The following ANOS1 variants were observed in gnomAD, a reference collection of about 807,000 sequenced individuals.
ANOS1 encodes anosmin 1.
A neutral mutation model predicts 59.0 loss-of-function variants in ANOS1; 6 were observed. That is an observed-to-expected ratio of 0.10 (90% CI 0.06 to 0.20). The LOEUF is 0.20. Among genes scored for constraint, ANOS1 ranks in the 10% least tolerant of loss-of-function variants. ANOS1 has a pLI of 1.00. For synonymous variants in ANOS1, 217 were observed against 223.4 expected, an observed-to-expected ratio of 0.97 and a Z score of 0.25; for missense variants, 433 against 542.3, an observed-to-expected ratio of 0.80 and a Z score of 2.00.
rs181242158 is a variant in ANOS1, at chrX:8,591,451, C to T, written c.542-3473G>A. Among the ~76,000 whole-genome samples, 3 of 111,200 alleles carry T rather than the reference C, an allele frequency of 2.7e-5. No homozygotes were observed. In the East Asian group the frequency reaches 8.5e-4, roughly 31 times the overall value. On this transcript the variant is annotated intron_variant, in intron 4 of 13. Transcript: ENST00000262648. Reference sequence around the variant, plus strand: ...AAATATAGCTACAGTAAATAGCCTCCGAAGTGACCTGAACTCACCAGAAGC... The same window carrying T: ...AAATATAGCTACAGTAAATAGCCTCTGAAGTGACCTGAACTCACCAGAAGC...
intron 2 of ANOS1, among the ~76,000 whole-genome samples, chrX:8,632,867 GT>G (rs1233891433): frequency 9.0e-6 from 1 of 110,520 alleles, no homozygotes; most frequent in Non-Finnish European, 1.9e-5. Context: ...GACCATTTCT[GT>G]TTTCTGAATT....
intron 2 of ANOS1, among the ~76,000 whole-genome samples, chrX:8,671,219 C>T (rs1364619680): frequency 9.0e-6 from 1 of 111,678 alleles, no homozygotes; most frequent in Non-Finnish European, 1.9e-5. Context: ...CATGATACAG[C>T]AGCTTCTTAA....
At chrX:8,576,465 TATACACACACACACACACACACAC>T (rs1159790359) in intron 6 of ANOS1, among the ~76,000 whole-genome samples, 9 of 95,418 alleles carry the variant, frequency 9.4e-5, no homozygotes, top group Admixed American at 8.6e-4. Context: ...TATATATATA[TATACACACACACACACACACACAC>T]ATACACACAC....
At chrX:8,671,349 A>G (rs973453375) in intron 2 of ANOS1, among the ~76,000 whole-genome samples, 5 of 111,108 alleles carry the variant, frequency 4.5e-5, no homozygotes, top group Admixed American at 1.9e-4. Context: ...GCAATAATTC[A>G]TATCTCCTAT....
intron 9 of ANOS1, among the ~76,000 whole-genome samples, chrX:8,549,209 T>A (rs1181227802): frequency 8.9e-6 from 1 of 112,547 alleles, no homozygotes; most frequent in Non-Finnish European, 1.9e-5. Context: ...CTTTAAAGAT[T>A]TCAGTATTTG....
At chrX:8,709,995 A>G (rs905642820) in intron 1 of ANOS1, among the ~76,000 whole-genome samples, 6 of 110,949 alleles carry the variant, frequency 5.4e-5, no homozygotes, top group African/African-American at 2.0e-4. Flanking sequence ...CAGCAGTGCA[A>G]TCTCCACTCA....
chrX:8,672,672 C>A (rs1033794286), intron 2 of ANOS1, among the ~76,000 whole-genome samples: 2 of 111,617 alleles, frequency 1.8e-5, no homozygotes, highest in African/African-American at 3.3e-5. Context: ...GCACTCTGCT[C>A]CTCACTGACC....
At chrX:8,631,614 C>T (rs7883222) in intron 2 of ANOS1, among the ~76,000 whole-genome samples, 11,065 of 110,586 alleles carry the variant, frequency 0.1, 787 homozygotes, top group South Asian at 0.23. Flanking sequence ...GACTGGAACA[C>T]GTTAATAGGC....
At chrX:8,605,976 G>C (rs923643319) in intron 3 of ANOS1, among the ~76,000 whole-genome samples, 4 of 98,703 alleles carry the variant, frequency 4.1e-5, no homozygotes, top group African/African-American at 1.1e-4. Flanking sequence ...TGTGCCTTGT[G>C]GGGGGGTTGT....
At chrX:8,645,923 C>T (rs1178244167) in intron 2 of ANOS1, among the ~76,000 whole-genome samples, 4 of 111,743 alleles carry the variant, frequency 3.6e-5, no homozygotes, top group Middle Eastern at 4.7e-3. Context: ...GGATTACAGG[C>T]GTGAGCCACC....
In ANOS1 at chrX:8,528,917, T is replaced by C. The variant is rs1474071725; in HGVS notation, c.*4078A>G. ...TATTATTGAACCAGTATGTACAAAC[T>C]CTAACATGAAAATAATGAGTCACAG... is the stretch of plus-strand genomic sequence containing the variant. On this transcript the variant is annotated 3_prime_UTR_variant, in exon 14 of 14. Coordinates refer to ENST00000262648, the MANE Select transcript of ANOS1 (RefSeq NM_000216.4). 1 of 111,792 alleles carries C rather than the reference T, an allele frequency of 8.9e-6. No homozygotes were observed. Among genetic ancestry groups the C allele is most frequent in the Non-Finnish European group, 1.9e-5 (1 of 53,233 alleles). The allele number at this position is 111,792 out of a possible 1,213,427, so 9.2% of individuals were successfully genotyped here.
At chrX:8,718,621 G>A (rs1357484709) in intron 1 of ANOS1, among the ~76,000 whole-genome samples, 1 of 112,046 alleles carries the variant, frequency 8.9e-6, no homozygotes, top group Non-Finnish European at 1.9e-5. Flanking sequence ...TTCAACTCTA[G>A]GGGCCAGGCG....
chrX:8,538,103 A>G (rs1169307355), intron 10 of ANOS1, among the ~76,000 whole-genome samples: 1 of 110,977 alleles, frequency 9.0e-6, no homozygotes, highest in African/African-American at 3.3e-5. Flanking sequence ...GAAACAAATC[A>G]ATCTGGACAA....
chrX:8,682,930 A>G (rs1165819861), intron 2 of ANOS1, among the ~76,000 whole-genome samples: 1 of 111,738 alleles, frequency 8.9e-6, no homozygotes, highest in African/African-American at 3.3e-5. Context: ...ACGGACCATC[A>G]TCTACTGGAA....
intron 6 of ANOS1, among the ~76,000 whole-genome samples, chrX:8,578,435 T>C (rs1277168979): frequency 9.0e-6 from 1 of 110,935 alleles, no homozygotes; most frequent in Non-Finnish European, 1.9e-5. Context: ...AAATGGCACA[T>C]CCCGAGCAGC....
At chrX:8,689,514 T>A (rs1022902759) in intron 2 of ANOS1, among the ~76,000 whole-genome samples, 1 of 108,469 alleles carries the variant, frequency 9.2e-6, no homozygotes, top group African/African-American at 3.3e-5. Flanking sequence ...CTGGACAACA[T>A]AGTGAGATCT....
At chrX:8,726,031 G>C (rs908380317) in intron 1 of ANOS1, among the ~76,000 whole-genome samples, 3 of 110,063 alleles carry the variant, frequency 2.7e-5, no homozygotes, top group African/African-American at 9.9e-5. Context: ...TTCTCCCAGC[G>C]GCTCTCTAAA....
chrX:8,708,953 G>A (rs1223079079), intron 1 of ANOS1, among the ~76,000 whole-genome samples: 2 of 111,589 alleles, frequency 1.8e-5, no homozygotes, highest in Non-Finnish European at 3.8e-5. Flanking sequence ...ATGAGTTCAT[G>A]TCCTCTGCAG....
chrX:8,729,096 A>G (rs180959776), intron 1 of ANOS1, among the ~76,000 whole-genome samples: 2 of 112,273 alleles, frequency 1.8e-5, no homozygotes, highest in African/African-American at 6.5e-5. Context: ...TGCCTACACC[A>G]TGAGTGCATA....
Sources: allele counts gnomAD v4.1 joint callset (sites outside exome capture counted in the v4.1 genomes callset), GRCh38; gene constraint gnomAD v4.1.1; transcripts MANE v1.5; gene names NCBI Gene and HGNC (gene_info 2026-07-23, HGNC 2026-07-21).